The following DRAM2 variants were observed in gnomAD, a reference collection of about 807,000 sequenced individuals.
DRAM2 encodes DNA damage-regulated autophagy modulator protein 2.
Under a neutral mutation model 33.5 loss-of-function variants are expected in DRAM2, and 26 were observed. The ratio of observed to expected loss-of-function variants is 0.78; its 90% CI spans 0.57 to 1.08. DRAM2 has a LOEUF of 1.08. Ranked by LOEUF, DRAM2 falls within the 50% of genes least tolerant of loss-of-function variation. The pLI is 0.00. For missense variants in DRAM2, 311 were observed against 318.1 expected, an observed-to-expected ratio of 0.98 and a Z score of 0.17; for synonymous variants, 98 against 109.5, an observed-to-expected ratio of 0.89 and a Z score of 0.66.
Position 111,117,870 on chromosome 1 carries a change from G to A in DRAM2, c.*290C>T, listed in dbSNP as rs185026489. ...GTGCAGACTGATTGGTGCACGTCAG[G>A]TTGTTTCTCTTAAATAAGGTATAAA... On this transcript the variant is annotated 3_prime_UTR_variant, in exon 10 of 10. Transcript: ENST00000484310. The A allele has an allele frequency of 1.7e-4, 62 of 368,650 alleles. No homozygotes were observed. The East Asian group carries it at 3.8e-3, about 23-fold the overall frequency. 22.8% of individuals were successfully genotyped at this position (368,650 alleles called of 1,614,324 possible).
At chr1:111,130,592 C>T (rs543529014) in intron 4 of DRAM2, among the ~76,000 whole-genome samples, 2 of 151,046 alleles carry the variant, frequency 1.3e-5, no homozygotes, top group Admixed American at 6.6e-5. Flanking sequence ...TCTAGTGACT[C>T]AGGAGGCTGA....
chr1:111,121,838 G>A (rs1461057357), intron 6 of DRAM2, among the ~76,000 whole-genome samples: 1 of 151,988 alleles, frequency 6.6e-6, no homozygotes, highest in African/African-American at 2.4e-5. Flanking sequence ...AGATACAATG[G>A]TGAACGTTTC....
At chr1:111,137,237 G>A (rs1057130625) in intron 3 of DRAM2, among the ~76,000 whole-genome samples, 2 of 139,076 alleles carry the variant, frequency 1.4e-5, no homozygotes, top group Non-Finnish European at 3.0e-5. Context: ...CTGGGCGACA[G>A]CGAGATTCCA....
chr1:111,128,177 C>T (rs527395784), intron 4 of DRAM2: 2 of 138,882 alleles, frequency 1.4e-5, no homozygotes, highest in South Asian at 4.6e-4. Flanking sequence ...CGCTCTGTTG[C>T]CCAGGCTAAC....
At chr1:111,128,624 T>C (rs1651488149) in intron 4 of DRAM2, among the ~76,000 whole-genome samples, 2 of 152,338 alleles carry the variant, frequency 1.3e-5, no homozygotes, top group African/African-American at 4.8e-5. Context: ...CATTTTCCAA[T>C]ATGCTTTAAA....
At chr1:111,133,223 G>C (rs1402134508) in intron 3 of DRAM2, among the ~76,000 whole-genome samples, 1 of 149,940 alleles carries the variant, frequency 6.7e-6, no homozygotes, top group African/African-American at 2.5e-5. Context: ...TGACACCCAG[G>C]CTGGACTGCA....
chr1:111,130,711 A>AG (rs1557896260), intron 4 of DRAM2, among the ~76,000 whole-genome samples: 3 of 150,332 alleles, frequency 2.0e-5, no homozygotes, highest in African/African-American at 2.5e-5. Flanking sequence ...AAAAAAAAAA[A>AG]AAGTTTGGGT....
rs116324049 is a variant in DRAM2 at position 111,119,015 on chromosome 1, C to T, written c.601-118G>A. The T allele has an allele frequency of 6.9e-3, 4,157 of 603,090 alleles. 24 individuals are homozygous for T. Among genetic ancestry groups the T allele is most frequent in the Middle Eastern group, 0.015 (34 of 2,250 alleles). 37.4% of individuals were successfully genotyped at this position (603,090 alleles called of 1,614,324 possible). ...AATAATGGAGCTTCTGAAAATCAAC[C>T]CTTGACTTACCAGGCATATAATATC... On this transcript the variant is annotated intron_variant, in intron 8 of 9. Coordinates refer to ENST00000484310, the MANE Select transcript of DRAM2 (RefSeq NM_001349884.2).
chr1:111,118,707 A>C (rs1649393901), intron 9 of DRAM2, 98 bp downstream of exon 9: 5 of 773,094 alleles, frequency 6.5e-6, no homozygotes, highest in Non-Finnish European at 9.8e-6. Flanking sequence ...AATTTTCAAA[A>C]AGGCGGGAGA....
chr1:111,120,601 G>A lies in DRAM2; in HGVS notation c.432C>T (p.Tyr144=). The A allele has an allele frequency of 1.1e-5, 18 of 1,612,002 alleles. No individual in the cohort carries two copies. Among genetic ancestry groups the A allele is most frequent in the Non-Finnish European group, 1.4e-5 (17 of 1,178,806 alleles). Residue 144 remains tyrosine, a synonymous_variant, in exon 7 of 10, where the codon TAC becomes TAT. Coordinates refer to ENST00000484310, the MANE Select transcript of DRAM2 (RefSeq NM_001349884.2). ...LYMFVQTILS[Y]QMQPKIHGKQ... ...TGCCATGGATTTTGGGCTGCATTTG[G>A]TAGGAAAGGATGGTCTGAACAAACA...
chr1:111,136,075 G>A (rs1653082757), intron 3 of DRAM2, among the ~76,000 whole-genome samples: 1 of 152,146 alleles, frequency 6.6e-6, no homozygotes, highest in African/African-American at 2.4e-5. Flanking sequence ...CTTCTTCCCA[G>A]TTCACACTGT....
intron 3 of DRAM2, among the ~76,000 whole-genome samples, chr1:111,133,480 TCTTTA>T (rs748808637): frequency 2.0e-5 from 3 of 152,070 alleles, no homozygotes; most frequent in Non-Finnish European, 2.9e-5. Flanking sequence ...GCCCGGTCTG[TCTTTA>T]CTTATCTTTC....
rs1351383485 is a variant in DRAM2 at position 111,119,898 on chromosome 1, G to A, written c.579C>T (p.Leu193=). The A allele has an allele frequency of 6.2e-7, 1 of 1,612,658 alleles. No homozygotes were observed. Among genetic ancestry groups the A allele is most frequent in the Non-Finnish European group, 8.5e-7 (1 of 1,179,098 alleles). The change falls in exon 8 of 10, where the codon CTC becomes CTT. Residue 193 remains leucine (L), a synonymous_variant. Coordinates refer to ENST00000484310, the MANE Select transcript of DRAM2 (RefSeq NM_001349884.2). ...TTACTTTGTCCTCGGGGTTCCAATGGAGTTTCTGTTCTAAATCAGTCCCAA... is the reference window on the plus strand; with the variant it reads ...TTACTTTGTCCTCGGGGTTCCAATGAAGTTTCTGTTCTAAATCAGTCCCAA... ...GNFGTDLEQK[L]HWNPEDKGYV...
At position 111,139,496 on chromosome 1, in the gene DRAM2, C is replaced by T. The variant is rs3762374; in HGVS notation, c.-79+5G>A. ...GCCACCAAAGTATCTGAACCCAGAA[C>T]TCACAACAGGAACGTGTACTCAACA... On this transcript the variant is annotated splice_donor_5th_base_variant and intron_variant, in intron 2 of 9. Coordinates refer to ENST00000484310, the MANE Select transcript of DRAM2 (RefSeq NM_001349884.2). 0.26 allele frequency: 39,152 copies of T among 152,178 alleles called. 5,110 individuals carry two copies. Among genetic ancestry groups the T allele is most frequent in the East Asian group, 0.38 (1,957 of 5,166 alleles). The allele number at this position is 152,178 out of a possible 1,614,324, so 9.4% of individuals were successfully genotyped here. A position where few individuals can be genotyped will look rare whatever the true frequency, so the allele number is the denominator to read the frequency against.
intron 6 of DRAM2, among the ~76,000 whole-genome samples, chr1:111,123,690 G>A (rs921695795): frequency 3.3e-5 from 5 of 152,144 alleles, no homozygotes; most frequent in African/African-American, 7.2e-5. Flanking sequence ...CCTAATGGCA[G>A]GTGTCTGGGT....
chr1:111,118,846 A>G lies in DRAM2; in HGVS notation c.652T>C (p.Ser218Pro), dbSNP rs974066800. ...TTAAEWSMSF[S>P]FFGFFLTYIR... is the part of the protein sequence containing the mutation. ...TAAGTCAGGAAAAAACCAAAGAAGG[A>G]AAATGACATAGACCATTCTGCTGCA... Residue 218 changes from serine to proline, a missense_variant, in exon 9 of 10, where the codon TCC (serine) becomes CCC (proline). Coordinates refer to ENST00000484310, the MANE Select transcript of DRAM2 (RefSeq NM_001349884.2). 3.1e-6 allele frequency: 5 copies of G among 1,610,264 alleles called. No homozygotes were observed. Among genetic ancestry groups the G allele is most frequent in the Non-Finnish European group, 3.4e-6 (4 of 1,177,800 alleles).
intron 7 of DRAM2, among the ~76,000 whole-genome samples, 190 bp from the exon 8 acceptor site, chr1:111,120,149 T>TTCTCAG (rs1254898369): frequency 2.6e-5 from 4 of 151,680 alleles, no homozygotes. Flanking sequence ...AACAAAATGG[T>TTCTCAG]TCTCACAGTC....
intron 7 of DRAM2, 98 bp downstream of exon 7, chr1:111,120,418 A>AAAAAAAAAAAAAAAAAAG (rs1557883161): frequency 2.7e-6 from 1 of 365,078 alleles, no homozygotes. Context: ...AAAAAAAAAA[A>AAAAAAAAAAAAAAAAAAG]AGACAAAAAG....
chr1:111,123,476 C>A (rs901784663), intron 6 of DRAM2, among the ~76,000 whole-genome samples: 1 of 152,126 alleles, frequency 6.6e-6, no homozygotes, highest in Non-Finnish European at 1.5e-5. Context: ...CCAATTTTAG[C>A]AAGAATCTTG....
Sources: gnomAD v4.1 joint callset for allele counts (sites outside exome capture counted in the v4.1 genomes callset) on GRCh38, gnomAD v4.1.1 for gene constraint, MANE v1.5 for transcripts, NCBI Gene and HGNC (gene_info 2026-07-23, HGNC 2026-07-21) for gene names.